SPIDR: variants seen among roughly 807,000 people sequenced by gnomAD.
The protein encoded by SPIDR is scaffold protein involved in DNA repair, also known as DNA repair-scaffolding protein.
A neutral mutation model predicts 104.6 loss-of-function variants in SPIDR; 93 were observed. The ratio of observed to expected loss-of-function variants is 0.89; its 90% CI spans 0.75 to 1.06. The LOEUF is 1.06. SPIDR is among the 50% of genes least tolerant of loss of function. SPIDR has a pLI of 0.00. For missense variants in SPIDR, 1,154 were observed against 1,111.2 expected, an observed-to-expected ratio of 1.04 and a Z score of -0.55; for synonymous variants, 431 against 416.9, an observed-to-expected ratio of 1.03 and a Z score of -0.41.
chr8:47,660,833 C>T, intron 10 of SPIDR: 1 of 426,016 alleles, frequency 2.3e-6, no homozygotes, highest in Non-Finnish European at 3.1e-6. Context: ...GGCTTCAGGA[C>T]TTAGGAGAGC....
At chr8:47,681,214 T>C (rs1305715457) in intron 11 of SPIDR, among the ~76,000 whole-genome samples, 2 of 152,232 alleles carry the variant, frequency 1.3e-5, no homozygotes, top group Non-Finnish European at 2.9e-5. Flanking sequence ...CTATAGTTTT[T>C]TTCTTTCTGC....
At chr8:47,473,443 C>T (rs1203471262) in intron 8 of SPIDR, among the ~76,000 whole-genome samples, 8 of 152,262 alleles carry the variant, frequency 5.3e-5, no homozygotes, top group Middle Eastern at 3.4e-3. Context: ...TGTGTCTCCC[C>T]GCTTTGTGGG....
chr8:47,505,343 C>T (rs2081300614), intron 8 of SPIDR, among the ~76,000 whole-genome samples: 1 of 152,214 alleles, frequency 6.6e-6, no homozygotes, highest in Non-Finnish European at 1.5e-5. Context: ...TGGCGGGCGC[C>T]TCTCCCCAAG....
rs543093673 is a variant in SPIDR at position 47,334,608 on chromosome 8, A to G, written c.525+40578A>G. On this transcript the variant is annotated intron_variant, in intron 5 of 19. Transcript: ENST00000297423. ...TTTCTTTGGTTAATGTTAGCATGAT[A>G]TATCTTTCTTCAATCCATTTACTTT... Among the ~76,000 whole-genome samples, 6 of 152,282 alleles carry G rather than the reference A, an allele frequency of 3.9e-5. No homozygotes were observed. In the East Asian group the frequency reaches 9.6e-4, roughly 24 times the overall value.
At chr8:47,733,412 C>T (rs1166184387) in intron 19 of SPIDR, among the ~76,000 whole-genome samples, 1 of 152,150 alleles carries the variant, frequency 6.6e-6, no homozygotes, top group Admixed American at 6.5e-5. Flanking sequence ...AAATTTTAAA[C>T]TCCATTTACA....
intron 8 of SPIDR, chr8:47,510,884 TCAAC>T (rs2082213440): frequency 6.7e-6 from 3 of 447,112 alleles, no homozygotes; most frequent in Non-Finnish European, 1.2e-5. Context: ...AAACAAATGT[TCAAC>T]CAACACCTAA....
chr8:47,436,292 G>A (rs1218491408), intron 7 of SPIDR, among the ~76,000 whole-genome samples: 1 of 152,206 alleles, frequency 6.6e-6, no homozygotes, highest in Non-Finnish European at 1.5e-5. Flanking sequence ...CCTGGACAAG[G>A]TGATATTTTG....
chr8:47,542,076 C>T (rs1164872186), intron 8 of SPIDR, among the ~76,000 whole-genome samples: 1 of 151,980 alleles, frequency 6.6e-6, no homozygotes, highest in East Asian at 1.9e-4. Flanking sequence ...CTCTCCTGAT[C>T]AAATGAAGGT....
At chr8:47,502,040 G>T (rs2080558941) in intron 8 of SPIDR, among the ~76,000 whole-genome samples, 1 of 152,200 alleles carries the variant, frequency 6.6e-6, no homozygotes, top group African/African-American at 2.4e-5. Context: ...GCTGGATTCG[G>T]TTTGCCAGTA....
At chr8:47,320,072 G>C (rs530965319) in intron 5 of SPIDR, among the ~76,000 whole-genome samples, 17 of 152,066 alleles carry the variant, frequency 1.1e-4, no homozygotes, top group Non-Finnish European at 2.4e-4. Context: ...TCAAAAGCTA[G>C]CAGAAGGCAA....
rs559172224 is a variant in SPIDR at position 47,671,258 on chromosome 8, T to A, written c.1545-2543T>A. The stretch of plus-strand genomic sequence containing the variant: ...AAATCAGTAAATACGTCAGGTTCTG[T>A]AGGTAGAAAATGCTCCTAGTTTTTC... On this transcript the variant is annotated intron_variant, in intron 10 of 19. Transcript: ENST00000297423. Among the ~76,000 whole-genome samples the A allele has an allele frequency of 3.9e-5, 6 of 152,206 alleles. No homozygotes were observed. The East Asian group carries it at 1.2e-3, about 29-fold the overall frequency.
At chr8:47,290,991 T>C in intron 3 of SPIDR, 42 bp from the exon 4 acceptor site, 1 of 1,468,258 alleles carries the variant, frequency 6.8e-7, no homozygotes, top group Non-Finnish European at 9.5e-7. Context: ...TAAATGACCA[T>C]ATAAGGAGAT....
At chr8:47,300,950 A>C (rs1346047697) in intron 5 of SPIDR, among the ~76,000 whole-genome samples, 1 of 152,174 alleles carries the variant, frequency 6.6e-6, no homozygotes, top group Non-Finnish European at 1.5e-5. Context: ...AGTTCTGTAG[A>C]TGTCTATTAG....
intron 5 of SPIDR, among the ~76,000 whole-genome samples, chr8:47,339,862 G>C (rs1004447480): frequency 1.3e-5 from 2 of 151,742 alleles, no homozygotes; most frequent in African/African-American, 4.8e-5. Flanking sequence ...TGTATTTTTA[G>C]TATAGACGGG....
At chr8:47,495,640 A>G (rs1267487547) in intron 8 of SPIDR, among the ~76,000 whole-genome samples, 3 of 151,992 alleles carry the variant, frequency 2.0e-5, no homozygotes, top group South Asian at 2.1e-4. Context: ...ATTTGCTCCA[A>G]TTTTTTCTTT....
At chr8:47,328,669 T>C (rs1444820167) in intron 5 of SPIDR, among the ~76,000 whole-genome samples, 2 of 152,222 alleles carry the variant, frequency 1.3e-5, no homozygotes, top group South Asian at 2.1e-4. Context: ...GTATCTCTTA[T>C]GCAGAGCATA....
intron 7 of SPIDR, among the ~76,000 whole-genome samples, chr8:47,416,965 T>A (rs1554675869): frequency 6.6e-6 from 1 of 152,240 alleles, no homozygotes; most frequent in Non-Finnish European, 1.5e-5. Flanking sequence ...TCATCCTTTT[T>A]TTATGGCTGC....
intron 8 of SPIDR, among the ~76,000 whole-genome samples, chr8:47,532,185 T>C (rs1170690070): frequency 6.6e-6 from 1 of 150,878 alleles, no homozygotes; most frequent in Non-Finnish European, 1.5e-5. Context: ...TTCTCCTGCC[T>C]CAGCCTCCCA....
chr8:47,718,777 C>A (rs2082949684), intron 16 of SPIDR, among the ~76,000 whole-genome samples: 1 of 151,340 alleles, frequency 6.6e-6, no homozygotes, highest in Non-Finnish European at 1.5e-5. Context: ...TTTTTTTTCC[C>A]CTCAACTTTT....
Sources: gnomAD v4.1 joint callset for allele counts (sites outside exome capture counted in the v4.1 genomes callset) on GRCh38, gnomAD v4.1.1 for gene constraint, MANE v1.5 for transcripts, NCBI Gene and HGNC (gene_info 2026-07-23, HGNC 2026-07-21) for gene names.